The following LINGO2 variants were observed in gnomAD, a reference collection of about 807,000 sequenced individuals.
The protein encoded by LINGO2 is leucine rich repeat and Ig domain containing 2, also known as leucine-rich repeat and immunoglobulin-like domain-containing nogo receptor-interacting protein 2.
In LINGO2, 14 loss-of-function variants were observed where a neutral mutation model predicts 30.6. The ratio of observed to expected loss-of-function variants is 0.46; its 90% CI spans 0.30 to 0.72. LINGO2 has a LOEUF of 0.72. Ranked by LOEUF, LINGO2 falls within the 30% of genes least tolerant of loss-of-function variation. The pLI, the probability that LINGO2 is intolerant of heterozygous loss-of-function variation, is 0.07. For missense variants in LINGO2, 729 were observed against 751.7 expected (o/e 0.97, Z 0.35); for synonymous variants, 317 against 288.5 (o/e 1.10, Z -1.00).
the LINGO2 span, among the ~76,000 whole-genome samples, chr9:28,819,377 A>G: frequency 6.6e-6 from 1 of 152,094 alleles, no homozygotes; most frequent in Non-Finnish European, 1.5e-5. Flanking sequence ...GTTGGCAGCT[A>G]TATCTCTTCC....
chr9:28,386,429 A>G (rs1384700868), intron 2 of LINGO2, among the ~76,000 whole-genome samples: 2 of 152,202 alleles, frequency 1.3e-5, no homozygotes, highest in African/African-American at 4.8e-5. Context: ...CTACTCAACC[A>G]GTAGAAAAAA....
chr9:29,002,741 T>C, the LINGO2 span, among the ~76,000 whole-genome samples: 1 of 151,984 alleles, frequency 6.6e-6, no homozygotes, highest in African/African-American at 2.4e-5. Context: ...CTCAGGTACA[T>C]TCTCTAAAGC....
At chr9:28,472,563 A>G (rs1825566629) in intron 2 of LINGO2, among the ~76,000 whole-genome samples, 1 of 152,102 alleles carries the variant, frequency 6.6e-6, no homozygotes, top group African/African-American at 2.4e-5. Context: ...AATACAAAAA[A>G]TCGTAGACCA....
At chr9:28,763,659 GC>G in the LINGO2 span, among the ~76,000 whole-genome samples, 1 of 151,524 alleles carries the variant, frequency 6.6e-6, no homozygotes, top group Non-Finnish European at 1.5e-5. Flanking sequence ...CTCAAAGTTA[GC>G]AAAAGAAAGA....
the LINGO2 span, among the ~76,000 whole-genome samples, chr9:29,163,031 T>A: frequency 6.6e-6 from 1 of 152,164 alleles, no homozygotes; most frequent in Admixed American, 6.5e-5. Context: ...TTATCTAAAT[T>A]TTATTTCCCC....
At chr9:28,235,749 T>A (rs991491839) in intron 4 of LINGO2, among the ~76,000 whole-genome samples, 1 of 152,050 alleles carries the variant, frequency 6.6e-6, no homozygotes, top group Non-Finnish European at 1.5e-5. Flanking sequence ...GCAGAAAGAA[T>A]TAGTGAGTTT....
chr9:28,998,334 C>T, the LINGO2 span, among the ~76,000 whole-genome samples: 3,444 of 152,102 alleles, frequency 0.023, 137 homozygotes, highest in African/African-American at 0.079. Context: ...GAAATATGTG[C>T]CATGTGGGAT....
intron 5 of LINGO2, among the ~76,000 whole-genome samples, chr9:27,995,343 T>C (rs1821606058): frequency 6.6e-6 from 1 of 152,066 alleles, no homozygotes; most frequent in African/African-American, 2.4e-5. Context: ...ACTCAAACTG[T>C]TACAAAAATT....
chr9:28,486,835 C>T (rs1291142278), intron 1 of LINGO2, among the ~76,000 whole-genome samples: 1 of 152,002 alleles, frequency 6.6e-6, no homozygotes, highest in Admixed American at 6.6e-5. Context: ...CAATCTATGA[C>T]TAGAGATAGA....
intron 4 of LINGO2, among the ~76,000 whole-genome samples, chr9:28,212,544 G>T (rs1274677503): frequency 1.3e-5 from 2 of 151,204 alleles, no homozygotes; most frequent in East Asian, 3.9e-4. Context: ...ATAGTTTTGG[G>T]TATCTAAAGA....
intron 4 of LINGO2, among the ~76,000 whole-genome samples, chr9:28,251,357 C>T (rs1822192704): frequency 6.6e-6 from 1 of 152,038 alleles, no homozygotes; most frequent in Non-Finnish European, 1.5e-5. Flanking sequence ...TGCAATATGC[C>T]TCCTTTTTGT....
intron 4 of LINGO2, among the ~76,000 whole-genome samples, chr9:28,104,160 G>T (rs1398150636): frequency 6.6e-6 from 1 of 150,808 alleles, no homozygotes; most frequent in African/African-American, 2.4e-5. Flanking sequence ...TCCTTCTTGG[G>T]TTATAATAAG....
intron 1 of LINGO2, among the ~76,000 whole-genome samples, chr9:28,623,693 C>T (rs1587976855): frequency 6.6e-6 from 1 of 152,050 alleles, no homozygotes; most frequent in Non-Finnish European, 1.5e-5. Flanking sequence ...TTTGTGCTTC[C>T]ATATAAATTT....
At chr9:28,165,340 C>T (rs565173128) in intron 4 of LINGO2, among the ~76,000 whole-genome samples, 1 of 152,182 alleles carries the variant, frequency 6.6e-6, no homozygotes, top group Admixed American at 6.5e-5. Flanking sequence ...ACTCAGAGAC[C>T]CTGTGACATG....
chr9:28,342,906 T>A (rs1428466786), intron 3 of LINGO2, among the ~76,000 whole-genome samples: 1 of 152,128 alleles, frequency 6.6e-6, no homozygotes, highest in African/African-American at 2.4e-5. Flanking sequence ...TCGCTGTTCC[T>A]GGTGATCAAA....
At chr9:28,205,850 T>C (rs1047940616) in intron 4 of LINGO2, among the ~76,000 whole-genome samples, 1 of 152,158 alleles carries the variant, frequency 6.6e-6, no homozygotes, top group South Asian at 2.1e-4. Context: ...AAGTGTCAGC[T>C]TCCCAGGTAT....
At chr9:28,480,208 T>C (rs1825906590) in intron 1 of LINGO2, among the ~76,000 whole-genome samples, 1 of 151,824 alleles carries the variant, frequency 6.6e-6, no homozygotes, top group East Asian at 1.9e-4. Context: ...AGTATGGCTC[T>C]TTTCTAAGAG....
intron 2 of LINGO2, among the ~76,000 whole-genome samples, chr9:28,378,213 C>A (rs1564161323): frequency 6.6e-6 from 1 of 152,166 alleles, no homozygotes; most frequent in Non-Finnish European, 1.5e-5. Flanking sequence ...GGTATCCTAA[C>A]CTGTCCATGG....
intron 3 of LINGO2, among the ~76,000 whole-genome samples, chr9:28,365,705 C>T (rs1820638596): frequency 6.6e-6 from 1 of 151,412 alleles, no homozygotes; most frequent in Non-Finnish European, 1.5e-5. Flanking sequence ...TTTACCCTGC[C>T]TTTTCAGAGT....
Sources: gnomAD v4.1 joint callset for allele counts (sites outside exome capture counted in the v4.1 genomes callset) on GRCh38, gnomAD v4.1.1 for gene constraint, MANE v1.5 for transcripts, NCBI Gene and HGNC (gene_info 2026-07-23, HGNC 2026-07-21) for gene names.